IPO11: variants seen among roughly 807,000 people sequenced by gnomAD.
The protein encoded by IPO11 is importin 11, also known as importin-11.
In IPO11, 66 loss-of-function variants were observed where a neutral mutation model predicts 143.2. The observed-to-expected ratio is 0.46, with a 90% CI of 0.38 to 0.57. The LOEUF (loss-of-function observed/expected upper bound fraction) is 0.57. Among genes scored for constraint, IPO11 ranks in the 20% least tolerant of loss-of-function variants. The pLI, the probability that IPO11 is intolerant of heterozygous loss-of-function variation, is 0.00. For missense variants in IPO11, 1,026 were observed against 1,141.0 expected, an observed-to-expected ratio of 0.90 and a Z score of 1.45; for synonymous variants, 385 against 377.8, an observed-to-expected ratio of 1.02 and a Z score of -0.22.
chr5:62,610,776 T>C (rs1445054789), intron 29 of IPO11, among the ~76,000 whole-genome samples: 2 of 152,190 alleles, frequency 1.3e-5, no homozygotes, highest in African/African-American at 4.8e-5. Flanking sequence ...TTTTTTCTTC[T>C]GTATTCATTC....
intron 27 of IPO11, among the ~76,000 whole-genome samples, chr5:62,584,634 AAAAAG>A (rs1293248114): frequency 1.3e-5 from 2 of 149,980 alleles, no homozygotes; most frequent in African/African-American, 4.9e-5. Flanking sequence ...AAAAAAAAAA[AAAAAG>A]GAAATAGGAG....
intron 24 of IPO11, among the ~76,000 whole-genome samples, chr5:62,539,725 A>G (rs1742863779): frequency 6.6e-6 from 1 of 152,208 alleles, no homozygotes; most frequent in Non-Finnish European, 1.5e-5. Context: ...AGTAACATCA[A>G]ACATGTTGCT....
intron 24 of IPO11, among the ~76,000 whole-genome samples, chr5:62,543,047 C>T (rs747142170): frequency 2.0e-5 from 3 of 152,016 alleles, no homozygotes; most frequent in Non-Finnish European, 4.4e-5. Flanking sequence ...GCTCTTTTCC[C>T]CAGTCTTACA....
At chr5:62,428,318 C>G (rs976271196) in intron 1 of IPO11, among the ~76,000 whole-genome samples, 1 of 152,026 alleles carries the variant, frequency 6.6e-6, no homozygotes, top group Non-Finnish European at 1.5e-5. Context: ...TGTGAGCCAC[C>G]ATGCCTGGCC....
intron 18 of IPO11, 62 bp from the exon 19 acceptor site, chr5:62,506,179 G>C: frequency 1.3e-6 from 1 of 797,234 alleles, no homozygotes; most frequent in East Asian, 2.5e-5. Context: ...CTGTTCGTAT[G>C]AATGTAGAGG....
At chr5:62,494,775 A>G (rs1741074884) in intron 16 of IPO11, among the ~76,000 whole-genome samples, 1 of 152,124 alleles carries the variant, frequency 6.6e-6, no homozygotes, top group Non-Finnish European at 1.5e-5. Context: ...GCCTGGGTGA[A>G]TATATTAGTG....
At chr5:62,516,407 T>C (rs1325342482) in intron 20 of IPO11, among the ~76,000 whole-genome samples, 1 of 152,044 alleles carries the variant, frequency 6.6e-6, no homozygotes, top group Admixed American at 6.5e-5. Flanking sequence ...AAGTCTCCTG[T>C]CTCAGCCTCC....
chr5:62,470,944 C>T (rs1274361779), intron 7 of IPO11, among the ~76,000 whole-genome samples: 1 of 149,102 alleles, frequency 6.7e-6, no homozygotes, highest in Non-Finnish European at 1.5e-5. Context: ...TCTCCTGCCT[C>T]AGCCTCCCAA....
Position 62,489,362 on chromosome 5 carries a change from T to C in IPO11, c.1357+13T>C, listed in dbSNP as rs1746523718. 6.5e-7 allele frequency: 1 copy of C among 1,538,904 alleles called. No homozygotes were observed. Among genetic ancestry groups the C allele is most frequent in the Admixed American group, 1.8e-5 (1 of 54,068 alleles). On this transcript the variant is annotated intron_variant, in intron 14 of 29. Transcript: ENST00000325324. ...ATCAAAGATGCTGGTATGTTAAACT[T>C]AAGTGATTTAGAAGCATTTATTTAT...
rs543734453 is a variant in IPO11, at chr5:62,428,503, C to T, written c.-6-8771C>T. Among the ~76,000 whole-genome samples, 172 of 152,106 alleles carry T rather than the reference C, an allele frequency of 1.1e-3. 3 individuals are homozygous for T. In the South Asian group the frequency reaches 0.035, roughly 31 times the overall value. ...GGATTACAGATGCACGCCACTACAC[C>T]TGGCTAATTTTTGTATTTTTAGTAG... On this transcript the variant is annotated intron_variant, in intron 1 of 29. Transcript: ENST00000325324.
intron 20 of IPO11, among the ~76,000 whole-genome samples, chr5:62,523,992 C>T (rs929093183): frequency 6.6e-6 from 1 of 152,044 alleles, no homozygotes; most frequent in Admixed American, 6.5e-5. Context: ...GTGTCCTTCA[C>T]CCAATTTCTC....
rs145016145 is a variant in IPO11 at position 62,529,085 on chromosome 5, G to A, written c.2013-1624G>A. On this transcript the variant is annotated intron_variant, in intron 21 of 29. Coordinates refer to ENST00000325324, the MANE Select transcript of IPO11 (RefSeq NM_016338.5). ...TTATTCTACTTGCTTTAGGTTTATG[G>A]GCTTGTTGTCATCTGATCTCCATTC... Among the ~76,000 whole-genome samples the A allele has an allele frequency of 2.4e-3, 369 of 151,932 alleles. 1 individual carries two copies. Among genetic ancestry groups the A allele is most frequent in the African/African-American group, 8.3e-3 (344 of 41,434 alleles).
chr5:62,544,094 C>A (rs558141696), intron 24 of IPO11, among the ~76,000 whole-genome samples: 158 of 152,270 alleles, frequency 1.0e-3, no homozygotes, highest in African/African-American at 3.6e-3. Context: ...TCCTCCCTAA[C>A]TCATTTTATG....
At chr5:62,442,921 T>C in intron 2 of IPO11, 62 bp from the exon 3 acceptor site, 1 of 869,088 alleles carries the variant, frequency 1.2e-6, no homozygotes, top group African/African-American at 1.7e-5. Context: ...TTATTGTGGG[T>C]ACATTAATTA....
In IPO11 at chr5:62,476,746, C is replaced by A; in HGVS notation, c.821C>A (p.Thr274Asn). ...CTGGAAAAGACCATCATTCTTTTTACTAAAGTGGTAAGTTTTTTAAAAACT... is the reference window on the plus strand; with the variant it reads ...CTGGAAAAGACCATCATTCTTTTTAATAAAGTGGTAAGTTTTTTAAAAACT... ...DRLEKTIILF[T>N]KVLLDFLDQH... Residue 274 changes from threonine (T) to asparagine (N), a missense_variant, in exon 9 of 30, where the codon ACT (threonine) becomes AAT (asparagine). Thr to Asn is a moderately conservative substitution (Grantham distance 65). This residue lies in a region of IPO11 where 429 missense variants were observed against 456.3 expected (regional missense o/e 0.94). Coordinates refer to ENST00000325324, the MANE Select transcript of IPO11 (RefSeq NM_016338.5). 1 of 1,518,418 alleles carries A rather than the reference C, an allele frequency of 6.6e-7. No homozygotes were observed. Among genetic ancestry groups the A allele is most frequent in the Non-Finnish European group, 8.9e-7 (1 of 1,129,794 alleles). The allele number at this position is 1,518,418 out of a possible 1,614,324, so 94.1% of individuals were successfully genotyped here.
intron 15 of IPO11, 31 bp downstream of exon 15, chr5:62,490,251 C>A: frequency 7.5e-7 from 1 of 1,328,558 alleles, no homozygotes; most frequent in Non-Finnish European, 1.0e-6. Flanking sequence ...TTATTATACA[C>A]TTACTTTACC....
intron 27 of IPO11, among the ~76,000 whole-genome samples, chr5:62,586,802 T>TATATATATATATATATATATA (rs1744811320): frequency 7.3e-6 from 1 of 136,110 alleles, no homozygotes; most frequent in African/African-American, 2.8e-5. Flanking sequence ...TATATATATA[T>TATATATATATATATATATATA]TCATGATTAC....
chr5:62,601,845 G>T lies in IPO11; in HGVS notation c.2760G>T (p.Lys920Asn), dbSNP rs757815265. 2 of 1,573,616 alleles carry T rather than the reference G, an allele frequency of 1.3e-6. No individual in the cohort carries two copies. The highest frequency in any genetic ancestry group is 2.4e-5 in the South Asian group (2 of 83,570). Reference sequence around the variant, plus strand: ...CCACAGAACAAGATAAGAGGAAAAAGATGGTAAGTTATAAAAGTAGCTTGT... The same window carrying T: ...CCACAGAACAAGATAAGAGGAAAAATATGGTAAGTTATAAAAGTAGCTTGT... Reference protein sequence around the residue: ...EPPTEQDKRKKMLALKDPVHT... With the variant: ...EPPTEQDKRKNMLALKDPVHT... Residue 920 changes from lysine to asparagine, a missense_variant, in exon 29 of 30, where the codon AAG becomes AAT. Physicochemically the swap from Lys to Asn is moderately conservative, Grantham distance 94. Transcript: ENST00000325324.
chr5:62,523,457 G>A (rs1319488643), intron 20 of IPO11, among the ~76,000 whole-genome samples: 4 of 152,164 alleles, frequency 2.6e-5, no homozygotes, highest in African/African-American at 9.7e-5. Flanking sequence ...TAGAAAAGTA[G>A]TCAGTGCACC....
Sources: allele counts gnomAD v4.1 joint callset (sites outside exome capture counted in the v4.1 genomes callset), GRCh38; gene constraint gnomAD v4.1.1; regional missense constraint gnomAD v4.1.1; transcripts MANE v1.5; gene names NCBI Gene and HGNC (gene_info 2026-07-23, HGNC 2026-07-21).